The following PHAX variants were observed in gnomAD, a reference collection of about 807,000 sequenced individuals.
The protein encoded by PHAX is phosphorylated adaptor for RNA export.
A neutral mutation model predicts 41.6 loss-of-function variants in PHAX; 31 were observed. The observed-to-expected ratio is 0.75, with a 90% CI of 0.56 to 1.01. PHAX has a LOEUF of 1.01. PHAX is among the 50% of genes least tolerant of loss of function. The pLI is 0.00. For synonymous variants in PHAX, 175 were observed against 164.9 expected, an observed-to-expected ratio of 1.06 and a Z score of -0.47; for missense variants, 453 against 472.9, an observed-to-expected ratio of 0.96 and a Z score of 0.39.
intron 4 of PHAX, among the ~76,000 whole-genome samples, chr5:126,617,824 G>C (rs1052736444): frequency 7.2e-5 from 11 of 152,180 alleles, no homozygotes; most frequent in Non-Finnish European, 1.5e-4. Flanking sequence ...GTGTTGCCCA[G>C]GCTGGTCTTG....
chr5:126,623,833 G>A (rs981595225), intron 4 of PHAX, among the ~76,000 whole-genome samples: 1 of 152,076 alleles, frequency 6.6e-6, no homozygotes, highest in South Asian at 2.1e-4. Context: ...CTTGGCTTGA[G>A]CTTTTTGGAA....
chr5:126,618,532 A>G (rs1581422030), intron 4 of PHAX, among the ~76,000 whole-genome samples: 1 of 152,130 alleles, frequency 6.6e-6, no homozygotes, highest in South Asian at 2.1e-4. Flanking sequence ...TCCCAAGAAT[A>G]TATTTTATAT....
At chr5:126,624,207 C>T (rs1352370702) in intron 4 of PHAX, among the ~76,000 whole-genome samples, 2 of 151,926 alleles carry the variant, frequency 1.3e-5, no homozygotes, top group Admixed American at 1.3e-4. Flanking sequence ...CAGGGTTTCA[C>T]CATGTTGGCC....
At chr5:126,608,541 GA>G in intron 3 of PHAX, 57 bp downstream of exon 3, 1 of 1,455,534 alleles carries the variant, frequency 6.9e-7, no homozygotes. Context: ...TTTTGTTTTT[GA>G]TTACAAATTT....
At chr5:126,621,276 A>G (rs1752267788) in intron 4 of PHAX, among the ~76,000 whole-genome samples, 1 of 151,884 alleles carries the variant, frequency 6.6e-6, no homozygotes, top group Non-Finnish European at 1.5e-5. Context: ...GTAGCCTCAA[A>G]CTCCAGGGCT....
At chr5:126,614,610 A>G (rs1388626654) in intron 3 of PHAX, among the ~76,000 whole-genome samples, 1 of 152,106 alleles carries the variant, frequency 6.6e-6, no homozygotes, top group Non-Finnish European at 1.5e-5. Context: ...AATATACTTT[A>G]CTACTGAACT....
chr5:126,625,041 A>C lies in PHAX; in HGVS notation c.*197A>C, dbSNP rs1752327685. On this transcript the variant is annotated 3_prime_UTR_variant, in exon 5 of 5. Transcript: ENST00000297540. ...AGATATATCTGACAAAATACTTAAG[A>C]GTATATAGCACAGGATTTAATTTCT... 1.8e-6 allele frequency: 1 copy of C among 554,756 alleles called. No individual in the cohort carries two copies. 34.4% of individuals were successfully genotyped at this position (554,756 alleles called of 1,614,324 possible).
intron 2 of PHAX, among the ~76,000 whole-genome samples, chr5:126,606,507 A>G (rs964256670): frequency 6.6e-6 from 1 of 152,180 alleles, no homozygotes; most frequent in African/African-American, 2.4e-5. Flanking sequence ...AGATTGATCC[A>G]TGGTGTAGCA....
intron 3 of PHAX, among the ~76,000 whole-genome samples, chr5:126,616,386 C>T (rs1247588972): frequency 5.9e-5 from 9 of 152,156 alleles, no homozygotes; most frequent in African/African-American, 1.4e-4. Flanking sequence ...TGAGCAACTG[C>T]GCCCAGCCTC....
rs551164629 is a variant in PHAX, at chr5:126,622,859, C to T, written c.916-1716C>T. The stretch of plus-strand genomic sequence containing the variant: ...AAGAACATTGGGCCGGGCGCGGTGG[C>T]TTACCCCTGTAATCCCAGCACTTTG... On this transcript the variant is annotated intron_variant, in intron 4 of 4. Transcript: ENST00000297540. Among the ~76,000 whole-genome samples, 4 of 152,206 alleles carry T rather than the reference C, an allele frequency of 2.6e-5. No individual in the cohort carries two copies. In the East Asian group the frequency reaches 7.7e-4, roughly 29 times the overall value.
intron 1 of PHAX, among the ~76,000 whole-genome samples, chr5:126,602,572 A>G (rs1228174197): frequency 6.6e-6 from 1 of 152,262 alleles, no homozygotes; most frequent in Non-Finnish European, 1.5e-5. Context: ...TTTAACAAAG[A>G]CAAATACTTG....
At chr5:126,604,236 G>GAAATA in intron 2 of PHAX, 53 bp downstream of exon 2, 1 of 1,337,662 alleles carries the variant, frequency 7.5e-7, no homozygotes, top group African/African-American at 1.6e-5. Flanking sequence ...CTATTTACAG[G>GAAATA]AAATAAAATG....
chr5:126,622,136 T>G (rs1187524810), intron 4 of PHAX, among the ~76,000 whole-genome samples: 2 of 151,772 alleles, frequency 1.3e-5, no homozygotes, highest in Non-Finnish European at 2.9e-5. Context: ...GTGTTTTTGT[T>G]TGTTTGTTTG....
At position 126,604,118 on chromosome 5, in the gene PHAX, T is replaced by TA; in HGVS notation, c.648dup (p.Gly217ArgfsTer16). ...TAGGGAACAGACCAGAAATGAACTA[T>TA]AAAGGTCGATACGAGATCACAGCGG... On this transcript the variant is annotated frameshift_variant, in exon 2 of 5. Transcript: ENST00000297540. LOFTEE classifies it high-confidence loss of function. 6.3e-7 allele frequency: 1 copy of TA among 1,599,158 alleles called. No homozygotes were observed. The highest frequency in any genetic ancestry group is 1.1e-5 in the South Asian group (1 of 89,206).
At chr5:126,614,702 T>C (rs1217921973) in intron 3 of PHAX, among the ~76,000 whole-genome samples, 2 of 152,030 alleles carry the variant, frequency 1.3e-5, no homozygotes, top group Non-Finnish European at 2.9e-5. Context: ...AAAGAGTGTG[T>C]AGTGAGAGGC....
In PHAX at chr5:126,608,503, TTTTG is replaced by T; in HGVS notation, c.831+23_831+26del. ...TATAATGGTAAGACTGCTTAACTGT[TTTTG>T]TTTTTGTATTGTTTATCCTGTGTTT... On this transcript the variant is annotated intron_variant, in intron 3 of 4. Transcript: ENST00000297540. The T allele has an allele frequency of 6.3e-7, 1 of 1,592,022 alleles. No homozygotes were observed. Among genetic ancestry groups the T allele is most frequent in the Non-Finnish European group, 8.5e-7 (1 of 1,170,390 alleles).
chr5:126,604,133 G>T lies in PHAX; in HGVS notation c.660G>T (p.Glu220Asp). 2 of 1,575,074 alleles carry T rather than the reference G, an allele frequency of 1.3e-6. No individual in the cohort carries two copies. The highest frequency in any genetic ancestry group is 2.4e-5 in the South Asian group (2 of 85,038). ...RPEMNYKGRY[E>D]ITAEDSQEKV... is the part of the protein sequence containing the mutation. ...AAATGAACTATAAAGGTCGATACGA[G>T]ATCACAGCGGAAGATTCTCAAGAGA... Residue 220 changes from glutamate to aspartate, a missense_variant, in exon 2 of 5, where the codon GAG becomes GAT. Coordinates refer to ENST00000297540, the MANE Select transcript of PHAX (RefSeq NM_032177.4).
In PHAX at chr5:126,604,634, T is replaced by A. The variant is rs530369149; in HGVS notation, c.710+451T>A. On this transcript the variant is annotated intron_variant, in intron 2 of 4. Coordinates refer to ENST00000297540, the MANE Select transcript of PHAX (RefSeq NM_032177.4). Reference sequence around the variant, plus strand: ...CCCAGGCTGGAGTGCAGTGCTGCAATCACACCTCACTGGAACCTAGAACTC... The same window carrying A: ...CCCAGGCTGGAGTGCAGTGCTGCAAACACACCTCACTGGAACCTAGAACTC... Among the ~76,000 whole-genome samples the A allele has an allele frequency of 2.0e-5, 3 of 151,854 alleles. No individual in the cohort carries two copies. The South Asian group carries it at 6.3e-4, about 32-fold the overall frequency.
chr5:126,617,571 C>T (rs753608257), intron 4 of PHAX, among the ~76,000 whole-genome samples: 11 of 151,986 alleles, frequency 7.2e-5, no homozygotes, highest in Non-Finnish European at 1.5e-4. Context: ...CTCCGCCTCC[C>T]GGGTTCAAGT....
Sources: allele counts gnomAD v4.1 joint callset (sites outside exome capture counted in the v4.1 genomes callset), GRCh38; gene constraint gnomAD v4.1.1; transcripts MANE v1.5; gene names NCBI Gene and HGNC (gene_info 2026-07-23, HGNC 2026-07-21).